GAS2: variants seen among roughly 807,000 people sequenced by gnomAD.
The protein encoded by GAS2 is growth arrest specific 2.
In GAS2, 20 loss-of-function variants were observed where a neutral mutation model predicts 37.5. That is an observed-to-expected ratio of 0.53 (90% CI 0.37 to 0.77). The LOEUF (loss-of-function observed/expected upper bound fraction) is 0.77. Among genes scored for constraint, GAS2 ranks in the 30% least tolerant of loss-of-function variants. The pLI is 0.00. For synonymous variants in GAS2, 144 were observed against 132.2 expected (o/e 1.09, Z -0.61); for missense variants, 336 against 373.4 (o/e 0.90, Z 0.82).
At chr11:22,671,643 G>A (rs573628913) in intron 1 of GAS2, among the ~76,000 whole-genome samples, 3 of 152,062 alleles carry the variant, frequency 2.0e-5, no homozygotes, top group Non-Finnish European at 2.9e-5. Context: ...CAAGAGAACT[G>A]AAATGATCTT....
chr11:22,645,518 T>TAC (rs1463895404), intron 1 of GAS2, among the ~76,000 whole-genome samples: 25 of 151,086 alleles, frequency 1.7e-4, no homozygotes, highest in South Asian at 1.3e-3. Flanking sequence ...TATATATATA[T>TAC]ATACACACAC....
chr11:22,768,798 A>G (rs1854827075), intron 7 of GAS2, among the ~76,000 whole-genome samples: 1 of 152,198 alleles, frequency 6.6e-6, no homozygotes, highest in South Asian at 2.1e-4. Context: ...TGCAGAGAAA[A>G]TGAATAGTCT....
intron 1 of GAS2, among the ~76,000 whole-genome samples, chr11:22,629,790 C>T (rs1345910596): frequency 6.6e-6 from 1 of 152,072 alleles, no homozygotes. Context: ...ATTTCATTTG[C>T]TATGCAGAAG....
chr11:22,810,621 C>G (rs1474534770), intron 7 of GAS2, among the ~76,000 whole-genome samples: 1 of 152,026 alleles, frequency 6.6e-6, no homozygotes, highest in African/African-American at 2.4e-5. Context: ...TTAGTTGGTA[C>G]AATATTTGAT....
At chr11:22,786,668 G>A (rs955470937) in intron 7 of GAS2, among the ~76,000 whole-genome samples, 1 of 152,104 alleles carries the variant, frequency 6.6e-6, no homozygotes, top group South Asian at 2.1e-4. Context: ...TGTGGAAATA[G>A]ACAAAAATAG....
chr11:22,760,473 T>A (rs1015357142), intron 7 of GAS2, among the ~76,000 whole-genome samples: 1 of 152,182 alleles, frequency 6.6e-6, no homozygotes, highest in Non-Finnish European at 1.5e-5. Context: ...TGAAAATCAC[T>A]TTAAAACAAT....
chr11:22,730,218 G>A (rs1852406673), intron 4 of GAS2, among the ~76,000 whole-genome samples: 1 of 151,672 alleles, frequency 6.6e-6, no homozygotes, highest in South Asian at 2.1e-4. Context: ...TAGTAATTAG[G>A]TTGTAAATTA....
chr11:22,687,967 T>C (rs1427709869), intron 3 of GAS2, among the ~76,000 whole-genome samples: 2 of 152,320 alleles, frequency 1.3e-5, no homozygotes, highest in Non-Finnish European at 1.5e-5. Context: ...ACCAACTCTA[T>C]TAAGGCTGTT....
At chr11:22,753,366 CA>C (rs1299938606) in intron 6 of GAS2, among the ~76,000 whole-genome samples, 1 of 152,036 alleles carries the variant, frequency 6.6e-6, no homozygotes, top group African/African-American at 2.4e-5. Context: ...ACTCCATTTT[CA>C]AAGCTAGAAA....
At chr11:22,727,388 A>C (rs337449) in intron 4 of GAS2, among the ~76,000 whole-genome samples, 28,493 of 151,902 alleles carry the variant, frequency 0.19, 2,947 homozygotes, top group East Asian at 0.43. Context: ...TATACAAATT[A>C]CCTTCCAAAC....
chr11:22,634,405 T>C (rs1383448050), intron 1 of GAS2, among the ~76,000 whole-genome samples: 1 of 152,142 alleles, frequency 6.6e-6, no homozygotes, highest in South Asian at 2.1e-4. Context: ...CTTCCCCAGG[T>C]TCCTTCATGA....
intron 7 of GAS2, among the ~76,000 whole-genome samples, chr11:22,809,326 A>G (rs895429437): frequency 6.6e-5 from 10 of 152,130 alleles, no homozygotes; most frequent in African/African-American, 2.4e-4. Flanking sequence ...ATGTAGGAAA[A>G]CAGGAATTTT....
At chr11:22,693,622 T>C (rs1218860299) in intron 3 of GAS2, among the ~76,000 whole-genome samples, 1 of 152,192 alleles carries the variant, frequency 6.6e-6, no homozygotes, top group Non-Finnish European at 1.5e-5. Flanking sequence ...TCCATGCAAA[T>C]TGCACATTCA....
intron 7 of GAS2, among the ~76,000 whole-genome samples, chr11:22,793,241 T>G (rs566935395): frequency 6.6e-6 from 1 of 152,050 alleles, no homozygotes; most frequent in Non-Finnish European, 1.5e-5. Context: ...GCCACTGCAC[T>G]CCAGCCTGGA....
At chr11:22,789,454 A>T (rs1283982640) in intron 7 of GAS2, among the ~76,000 whole-genome samples, 69 of 61,164 alleles carry the variant, frequency 1.1e-3, no homozygotes, top group African/African-American at 3.0e-3. Flanking sequence ...ATATATATAT[A>T]TTCTTTTTTT....
Position 22,730,420 on chromosome 11 carries a change from T to C in GAS2, c.409+3987T>C, listed in dbSNP as rs140766936. On this transcript the variant is annotated intron_variant, in intron 4 of 7. Transcript: ENST00000454584. ...CATTGTTGAAGTTAAACTGATACTT[T>C]AAGTGATTACAGAATTCTATGTTGT... is the stretch of plus-strand genomic sequence containing the variant. Among the ~76,000 whole-genome samples the C allele has an allele frequency of 2.3e-3, 353 of 151,956 alleles. 1 individual carries two copies. Among genetic ancestry groups the C allele is most frequent in the African/African-American group, 8.1e-3 (336 of 41,542 alleles).
At chr11:22,650,198 G>T (rs915256781) in intron 1 of GAS2, among the ~76,000 whole-genome samples, 1 of 151,292 alleles carries the variant, frequency 6.6e-6, no homozygotes, top group Non-Finnish European at 1.5e-5. Context: ...TCAGGAGCAG[G>T]TTGTTCAGTT....
intron 4 of GAS2, among the ~76,000 whole-genome samples, chr11:22,726,957 T>A (rs980763556): frequency 6.6e-6 from 1 of 152,128 alleles, no homozygotes; most frequent in African/African-American, 2.4e-5. Flanking sequence ...GAGATTAATA[T>A]CATCAAAGAT....
chr11:22,716,846 CCAA>C (rs1851705755), intron 3 of GAS2, among the ~76,000 whole-genome samples: 1 of 152,062 alleles, frequency 6.6e-6, no homozygotes, highest in Admixed American at 6.6e-5. Flanking sequence ...CTGCCATATA[CCAA>C]CAACGACCAA....
Sources: gnomAD v4.1 joint callset for allele counts (sites outside exome capture counted in the v4.1 genomes callset) on GRCh38, gnomAD v4.1.1 for gene constraint, MANE v1.5 for transcripts, NCBI Gene and HGNC (gene_info 2026-07-23, HGNC 2026-07-21) for gene names.